The following DLGAP1 variants were observed in gnomAD, a reference collection of about 807,000 sequenced individuals.
DLGAP1 encodes the protein DLG associated protein 1.
DLGAP1 carries 11 observed loss-of-function variants against 90.8 expected under a neutral mutation model. That is an observed-to-expected ratio of 0.12 (90% CI 0.08 to 0.20). The LOEUF is 0.20. Ranked by LOEUF, DLGAP1 falls within the 10% of genes least tolerant of loss-of-function variation. The pLI, the probability that DLGAP1 is intolerant of heterozygous loss-of-function variation, is 1.00. For synonymous variants in DLGAP1, 558 were observed against 540.7 expected, an observed-to-expected ratio of 1.03 and a Z score of -0.44; for missense variants, 1,050 against 1,333.8, an observed-to-expected ratio of 0.79 and a Z score of 3.31.
chr18:3,943,494 T>C (rs1423887862), intron 3 of DLGAP1, among the ~76,000 whole-genome samples: 1 of 138,046 alleles, frequency 7.2e-6, no homozygotes, highest in Non-Finnish European at 1.5e-5. Context: ...AGAACATCAC[T>C]GCTAGGAAAT....
intron 7 of DLGAP1, among the ~76,000 whole-genome samples, chr18:3,692,857 G>A (rs1476049723): frequency 6.6e-6 from 1 of 152,180 alleles, no homozygotes; most frequent in Admixed American, 6.5e-5. Context: ...ACTAGCAAAT[G>A]AGGTGGGCCT....
chr18:3,601,462 G>T (rs1246897435), intron 7 of DLGAP1, among the ~76,000 whole-genome samples: 1 of 151,814 alleles, frequency 6.6e-6, no homozygotes, highest in Non-Finnish European at 1.5e-5. Context: ...GTGTGTGTGT[G>T]TTTTAACTCA....
At chr18:4,020,079 G>A (rs1454576499) in intron 2 of DLGAP1, among the ~76,000 whole-genome samples, 1 of 152,142 alleles carries the variant, frequency 6.6e-6, no homozygotes, top group Non-Finnish European at 1.5e-5. Flanking sequence ...TTATGGTAGG[G>A]GTTGTGGAGA....
At chr18:4,172,718 C>T (rs1244237480) in intron 1 of DLGAP1, among the ~76,000 whole-genome samples, 2 of 152,158 alleles carry the variant, frequency 1.3e-5, no homozygotes, top group Admixed American at 1.3e-4. Flanking sequence ...GCATAGCAAC[C>T]GCAGCTGCTT....
intron 2 of DLGAP1, among the ~76,000 whole-genome samples, chr18:4,122,981 A>C (rs1259748054): frequency 2.0e-5 from 3 of 152,220 alleles, no homozygotes; most frequent in African/African-American, 7.2e-5. Flanking sequence ...CATTGCCCCA[A>C]GGGTAAGAAC....
Position 3,825,740 on chromosome 18 carries a change from A to G in DLGAP1, c.958-11467T>C, listed in dbSNP as rs1053520283. On this transcript the variant is annotated intron_variant, in intron 4 of 12. Coordinates refer to ENST00000315677, the MANE Select transcript of DLGAP1 (RefSeq NM_004746.4). ...ATCTCCGTTCCTCAAAGAACTAAAA[A>G]TAGAACTACCATTTGACCCAGCAAT... Among the ~76,000 whole-genome samples, 6 of 152,186 alleles carry G rather than the reference A, an allele frequency of 3.9e-5. No homozygotes were observed. In the South Asian group the frequency reaches 8.3e-4, roughly 21 times the overall value.
intron 2 of DLGAP1, among the ~76,000 whole-genome samples, chr18:4,139,538 TG>T (rs2076462101): frequency 6.6e-6 from 1 of 152,024 alleles, no homozygotes; most frequent in Non-Finnish European, 1.5e-5. Flanking sequence ...GCTTAACAAA[TG>T]GTCTATCCTT....
chr18:3,681,943 C>A (rs965216030), intron 7 of DLGAP1, among the ~76,000 whole-genome samples: 1 of 151,834 alleles, frequency 6.6e-6, no homozygotes, highest in Non-Finnish European at 1.5e-5. Context: ...CATGGTGAAA[C>A]CCTGTCTCTA....
chr18:3,911,214 A>C (rs1299320631), intron 3 of DLGAP1, among the ~76,000 whole-genome samples: 1 of 152,158 alleles, frequency 6.6e-6, no homozygotes, highest in African/African-American at 2.4e-5. Context: ...TTTAGGATGA[A>C]GTCTGGATCT....
intron 9 of DLGAP1, among the ~76,000 whole-genome samples, chr18:3,546,179 T>C (rs2053002669): frequency 1.3e-5 from 2 of 152,052 alleles, no homozygotes; most frequent in Non-Finnish European, 2.9e-5. Context: ...ACCTCAGCAG[T>C]TGGGAAGCTG....
intron 11 of DLGAP1, 107 bp downstream of exon 11, chr18:3,508,463 G>A (rs1256218144): frequency 1.7e-6 from 1 of 595,664 alleles, no homozygotes; most frequent in Non-Finnish European, 2.7e-6. Context: ...GACTCCAATG[G>A]ACCTTGACTT....
At chr18:4,193,149 G>A (rs2077432416) in intron 1 of DLGAP1, among the ~76,000 whole-genome samples, 1 of 152,180 alleles carries the variant, frequency 6.6e-6, no homozygotes, top group African/African-American at 2.4e-5. Context: ...CATGAGATTT[G>A]TTAAGGACTC....
At chr18:3,983,575 T>G (rs2073782135) in intron 3 of DLGAP1, 1 of 152,188 alleles carries the variant, frequency 6.6e-6, no homozygotes, top group Non-Finnish European at 1.5e-5. Context: ...AAAAAAATGC[T>G]TTATGTTCTC....
chr18:3,780,501 A>G (rs2065140320), intron 5 of DLGAP1, among the ~76,000 whole-genome samples: 1 of 145,814 alleles, frequency 6.9e-6, no homozygotes, highest in Admixed American at 6.9e-5. Flanking sequence ...CAAAGCCGGC[A>G]GTGGTTGGCT....
At chr18:4,085,503 T>A (rs1235242117) in intron 2 of DLGAP1, among the ~76,000 whole-genome samples, 1 of 152,240 alleles carries the variant, frequency 6.6e-6, no homozygotes, top group Non-Finnish European at 1.5e-5. Context: ...TAAGTTTAGA[T>A]CTAGTCTACA....
At chr18:4,414,078 ATTCAGTGAAC>A (rs1209718683) in intron 1 of DLGAP1, among the ~76,000 whole-genome samples, 1 of 152,204 alleles carries the variant, frequency 6.6e-6, no homozygotes, top group Non-Finnish European at 1.5e-5. Context: ...CAAATCTTCA[ATTCAGTGAAC>A]TTAGTTTCTT....
At chr18:3,844,356 G>C (rs2068885330) in intron 4 of DLGAP1, among the ~76,000 whole-genome samples, 1 of 152,170 alleles carries the variant, frequency 6.6e-6, no homozygotes, top group Non-Finnish European at 1.5e-5. Context: ...AGAAAAATAT[G>C]ATAATTTCTT....
At chr18:3,903,908 C>CA (rs1411482124) in intron 3 of DLGAP1, among the ~76,000 whole-genome samples, 3 of 152,220 alleles carry the variant, frequency 2.0e-5, no homozygotes, top group Middle Eastern at 3.4e-3. Flanking sequence ...AACTATTCTG[C>CA]AAAAAACAAA....
intron 3 of DLGAP1, among the ~76,000 whole-genome samples, chr18:3,949,550 T>C (rs753927334): frequency 1.3e-5 from 2 of 152,186 alleles, no homozygotes; most frequent in Non-Finnish European, 2.9e-5. Flanking sequence ...GTGATGTGGG[T>C]TCTGCCTTCC....
Sources: allele counts gnomAD v4.1 joint callset (sites outside exome capture counted in the v4.1 genomes callset), GRCh38; gene constraint gnomAD v4.1.1; transcripts MANE v1.5; gene names NCBI Gene and HGNC (gene_info 2026-07-23, HGNC 2026-07-21).